DLG5: variants seen among roughly 807,000 people sequenced by gnomAD.
DLG5 encodes disks large homolog 5.
A neutral mutation model predicts 189.8 loss-of-function variants in DLG5; 48 were observed. The observed-to-expected ratio is 0.25, with a 90% CI of 0.20 to 0.32. The LOEUF (loss-of-function observed/expected upper bound fraction) is 0.32. DLG5 is among the 10% of genes least tolerant of loss of function. DLG5 has a pLI of 1.00. For missense variants in DLG5, 2,160 were observed against 2,544.7 expected, an observed-to-expected ratio of 0.85 and a Z score of 3.25; for synonymous variants, 1,016 against 1,054.1, an observed-to-expected ratio of 0.96 and a Z score of 0.70.
At position 77,817,889 on chromosome 10, in the gene DLG5, A is replaced by G. The variant is rs907784095; in HGVS notation, c.3672T>C (p.Ser1224=). 1.9e-6 allele frequency: 3 copies of G among 1,551,114 alleles called. No homozygotes were observed. The highest frequency in any genetic ancestry group is 2.7e-5 in the African/African-American group (2 of 73,000). ...RDAGPQGLHP[S]VQHQGRLSLD... ...GGCTCAGGCGTCCCTGGTGCTGGAC[A>G]CTGCGTAAAAACAAGAGGTGAGGAG... Residue 1224 remains serine, a splice_region_variant and synonymous_variant, in exon 18 of 32, where the codon AGT becomes AGC. Transcript: ENST00000372391.
intron 29 of DLG5, among the ~76,000 whole-genome samples, chr10:77,795,483 A>G (rs1305932120): frequency 6.6e-6 from 1 of 152,098 alleles, no homozygotes; most frequent in African/African-American, 2.4e-5. Flanking sequence ...CCTTCATCTA[A>G]CAGAGAAGGG....
chr10:77,896,555 T>C (rs1845764520), intron 1 of DLG5, among the ~76,000 whole-genome samples: 1 of 152,010 alleles, frequency 6.6e-6, no homozygotes, highest in African/African-American at 2.4e-5. Flanking sequence ...AAAAAGCAAA[T>C]ATGGCCCAGG....
chr10:77,800,912 A>G (rs1177067228), intron 27 of DLG5, among the ~76,000 whole-genome samples: 1 of 152,112 alleles, frequency 6.6e-6, no homozygotes, highest in East Asian at 1.9e-4. Context: ...CCCTAGGGTC[A>G]GGTGAACCAC....
intron 1 of DLG5, among the ~76,000 whole-genome samples, chr10:77,924,572 T>C (rs927608002): frequency 6.6e-6 from 1 of 152,202 alleles, no homozygotes; most frequent in Non-Finnish European, 1.5e-5. Flanking sequence ...ATAGATTAGA[T>C]AGATACATAG....
chr10:77,881,048 C>T (rs1392056901), intron 1 of DLG5, among the ~76,000 whole-genome samples: 1 of 145,934 alleles, frequency 6.9e-6, no homozygotes, highest in African/African-American at 2.5e-5. Context: ...TCTCAGCTCA[C>T]TGCAACCTTC....
At position 77,824,366 on chromosome 10, in the gene DLG5, GC is replaced by G. The variant is rs1842510973; in HGVS notation, c.2382+17del. On this transcript the variant is annotated intron_variant, in intron 14 of 31. Transcript: ENST00000372391. ...CCATACTCCTGACCGTGAGAGCAGA[GC>G]CAGGTCCAGCCCTTACCTTCAGGAG... is the stretch of plus-strand genomic sequence containing the variant. 6.3e-7 allele frequency: 1 copy of G among 1,588,738 alleles called. No individual in the cohort carries two copies. Among genetic ancestry groups the G allele is most frequent in the South Asian group, 1.1e-5 (1 of 90,320 alleles).
intron 5 of DLG5, among the ~76,000 whole-genome samples, chr10:77,852,439 AG>A (rs1009837565): frequency 7.2e-5 from 11 of 152,206 alleles, no homozygotes; most frequent in African/African-American, 2.4e-4. Flanking sequence ...TGTTTGAGGC[AG>A]AATCTTGCTC....
chr10:77,842,076 T>C lies in DLG5; in HGVS notation c.1242A>G (p.Thr414=). 1 of 1,614,046 alleles carries C rather than the reference T, an allele frequency of 6.2e-7. No homozygotes were observed. Among genetic ancestry groups the C allele is most frequent in the South Asian group, 1.1e-5 (1 of 91,090 alleles). ...CCCTGTATTTCTCCGACTCCTTTGC[T>C]GTCTTCACCTGCGTGGTTCTCAGCT... The part of the protein sequence containing the change: ...LTELRTTQVK[T]AKESEKYREE... The change falls in exon 7 of 32, where the codon ACA becomes ACG. Residue 414 remains threonine, a synonymous_variant. Transcript: ENST00000372391.
At chr10:77,933,275 G>C in the DLG5 span, among the ~76,000 whole-genome samples, 1 of 151,688 alleles carries the variant, frequency 6.6e-6, no homozygotes, top group East Asian at 1.9e-4. Flanking sequence ...TTGGGTTTTT[G>C]TTTTTGTTTT....
At chr10:77,793,555 GT>G (rs11285867) in intron 31 of DLG5, 61,736 of 141,136 alleles carry the variant, frequency 0.44, 14,266 homozygotes, top group African/African-American at 0.65. Context: ...TTTGTTTTTT[GT>G]TTTTTTTTTT....
intron 23 of DLG5, 128 bp downstream of exon 23, chr10:77,810,966 C>A: frequency 8.3e-7 from 1 of 1,206,044 alleles, no homozygotes. Flanking sequence ...GGCCCAACTC[C>A]TGAAGACCTG....
intron 27 of DLG5, among the ~76,000 whole-genome samples, chr10:77,801,360 T>C (rs1176311232): frequency 2.0e-5 from 3 of 151,678 alleles, no homozygotes; most frequent in African/African-American, 7.3e-5. Flanking sequence ...AGTGGAATAA[T>C]GAACAGGAAA....
chr10:77,886,836 C>A (rs1451842842), intron 1 of DLG5, among the ~76,000 whole-genome samples: 1 of 152,146 alleles, frequency 6.6e-6, no homozygotes, highest in Non-Finnish European at 1.5e-5. Context: ...ATCCTTATAA[C>A]AAGAGATCAG....
chr10:77,842,022 G>A lies in DLG5; in HGVS notation c.1296C>T (p.Tyr432=), dbSNP rs1454757302. 1 of 1,614,098 alleles carries A rather than the reference G, an allele frequency of 6.2e-7. No individual in the cohort carries two copies. Among genetic ancestry groups the A allele is most frequent in the East Asian group, 2.2e-5 (1 of 44,900 alleles). The change falls in exon 7 of 32, where the codon TAC becomes TAT. Residue 432 remains tyrosine (Y), a synonymous_variant. Transcript: ENST00000372391. ...GGTCACGCTCACTCATGATGAGCTT[G>A]TACTCGCTGTACACAGCGTCCCGCT... ...REERDAVYSE[Y]KLIMSERDQV...
chr10:77,855,964 T>C (rs1044350139), intron 3 of DLG5, among the ~76,000 whole-genome samples: 5 of 152,208 alleles, frequency 3.3e-5, no homozygotes, highest in Admixed American at 1.3e-4. Flanking sequence ...CACCCTTCCC[T>C]GGTATCTACC....
chr10:77,800,097 G>C (rs770176341), intron 27 of DLG5, among the ~76,000 whole-genome samples: 5 of 152,152 alleles, frequency 3.3e-5, no homozygotes, highest in African/African-American at 1.2e-4. Flanking sequence ...AGCAGGGTGG[G>C]GGGTACCAGG....
At chr10:77,793,646 C>T (rs938864452) in intron 31 of DLG5, 1 of 254,516 alleles carries the variant, frequency 3.9e-6, no homozygotes, top group Non-Finnish European at 7.5e-6. Context: ...CCCTAGCCTC[C>T]GCTGCCCACA....
chr10:77,918,086 A>G (rs995117425), intron 1 of DLG5, among the ~76,000 whole-genome samples: 17 of 151,834 alleles, frequency 1.1e-4, no homozygotes, highest in African/African-American at 3.6e-4. Flanking sequence ...TTATTAAAAT[A>G]GTAAATGTTA....
At chr10:77,810,095 C>T (rs7902323) in intron 23 of DLG5, among the ~76,000 whole-genome samples, 2,258 of 152,292 alleles carry the variant, frequency 0.015, 55 homozygotes, top group African/African-American at 0.051. Context: ...GTAAAGTTGG[C>T]CTCACTGTCC....
Sources: allele counts gnomAD v4.1 joint callset (sites outside exome capture counted in the v4.1 genomes callset), GRCh38; gene constraint gnomAD v4.1.1; transcripts MANE v1.5; gene names NCBI Gene and HGNC (gene_info 2026-07-23, HGNC 2026-07-21).